The following NCAM2 variants were observed in gnomAD, a reference collection of about 807,000 sequenced individuals.
The protein encoded by NCAM2 is neural cell adhesion molecule 2, also known as N-CAM-2.
Under a neutral mutation model 98.1 loss-of-function variants are expected in NCAM2, and 30 were observed. That is an observed-to-expected ratio of 0.31 (90% CI 0.23 to 0.41). The LOEUF is 0.41. NCAM2 is among the 10% of genes least tolerant of loss of function. The pLI is 1.00. For synonymous variants in NCAM2, 368 were observed against 342.4 expected, an observed-to-expected ratio of 1.07 and a Z score of -0.83; for missense variants, 867 against 1,005.8, an observed-to-expected ratio of 0.86 and a Z score of 1.87.
chr21:21,477,611 A>C, intron 15 of NCAM2, 140 bp downstream of exon 15: 1 of 713,656 alleles, frequency 1.4e-6, no homozygotes. Context: ...GTGACATATC[A>C]TACACAAAGT....
intron 1 of NCAM2, among the ~76,000 whole-genome samples, chr21:21,227,346 A>T (rs765758412): frequency 1.3e-4 from 20 of 151,844 alleles, no homozygotes; most frequent in Non-Finnish European, 2.5e-4. Flanking sequence ...TAAAAACATA[A>T]AAGAAGATTA....
At chr21:21,432,021 A>G in intron 11 of NCAM2, 87 bp from the exon 12 acceptor site, 2 of 1,207,742 alleles carry the variant, frequency 1.7e-6, no homozygotes. Flanking sequence ...GTTTTCCTTC[A>G]CTCCTAGTTC....
intron 11 of NCAM2, among the ~76,000 whole-genome samples, chr21:21,430,194 G>GT (rs911585221): frequency 7.3e-5 from 11 of 150,966 alleles, no homozygotes; most frequent in Non-Finnish European, 1.6e-4. Flanking sequence ...ACACCCGGCT[G>GT]TTTTTTTTAT....
chr21:21,316,526 T>C (rs2074225343), intron 5 of NCAM2, among the ~76,000 whole-genome samples: 1 of 134,358 alleles, frequency 7.4e-6, no homozygotes, highest in Non-Finnish European at 1.5e-5. Context: ...CAATTTTATC[T>C]TTTATTCTTT....
chr21:21,530,241 AAATT>A lies in NCAM2; in HGVS notation c.2283-4290_2283-4287del, dbSNP rs1296929526. Among the ~76,000 whole-genome samples the A allele has an allele frequency of 2.6e-5, 2 of 77,908 alleles. 1 individual carries two copies. The highest frequency in any genetic ancestry group is 6.4e-5 in the Non-Finnish European group (2 of 31,358). 51.1% of individuals were successfully genotyped at this position (77,908 alleles called of 152,430 possible). A position where few individuals can be genotyped will look rare whatever the true frequency, so the allele number is the denominator to read the frequency against. On this transcript the variant is annotated intron_variant, in intron 16 of 17. Coordinates refer to ENST00000400546, the MANE Select transcript of NCAM2 (RefSeq NM_004540.5). ...TAATTTAATTATATATATTTAATTT[AAATT>A]AATTATATATAATTTAATTTAATTA...
chr21:21,061,310 C>T (rs1327269117), intron 1 of NCAM2, among the ~76,000 whole-genome samples: 1 of 152,148 alleles, frequency 6.6e-6, no homozygotes, highest in East Asian at 1.9e-4. Context: ...TTAATTACAA[C>T]GTGGCTGCTA....
chr21:21,139,443 G>A (rs1040429173), intron 1 of NCAM2, among the ~76,000 whole-genome samples: 1 of 152,274 alleles, frequency 6.6e-6, no homozygotes, highest in African/African-American at 2.4e-5. Flanking sequence ...CTAGTTCTTG[G>A]CATCTGTTTC....
chr21:21,274,452 T>C (rs1482065587), intron 1 of NCAM2, among the ~76,000 whole-genome samples: 1 of 152,186 alleles, frequency 6.6e-6, no homozygotes, highest in African/African-American at 2.4e-5. Flanking sequence ...CTGAAATTGT[T>C]TGAATATTGT....
At chr21:21,136,531 C>T (rs2067054933) in intron 1 of NCAM2, among the ~76,000 whole-genome samples, 1 of 151,614 alleles carries the variant, frequency 6.6e-6, no homozygotes, top group Non-Finnish European at 1.5e-5. Flanking sequence ...GTGCGATCTC[C>T]ACTCACTGCA....
At chr21:21,433,151 G>A (rs577170214) in intron 12 of NCAM2, among the ~76,000 whole-genome samples, 4 of 152,248 alleles carry the variant, frequency 2.6e-5, no homozygotes, top group South Asian at 2.1e-4. Context: ...AGTTTGCACT[G>A]AGCATAACTA....
intron 1 of NCAM2, among the ~76,000 whole-genome samples, chr21:21,169,504 G>A (rs1389397001): frequency 6.6e-6 from 1 of 151,916 alleles, no homozygotes. Context: ...GAGAAGTGAA[G>A]CCACAGACTG....
chr21:21,073,144 C>G (rs935150619), intron 1 of NCAM2, among the ~76,000 whole-genome samples: 2 of 152,078 alleles, frequency 1.3e-5, no homozygotes, highest in African/African-American at 4.8e-5. Flanking sequence ...CAGCATATGT[C>G]AAAATTTATT....
At chr21:21,330,772 T>C (rs1568941233) in intron 6 of NCAM2, among the ~76,000 whole-genome samples, 1 of 152,130 alleles carries the variant, frequency 6.6e-6, no homozygotes, top group East Asian at 1.9e-4. Flanking sequence ...ACTATGAAAA[T>C]TATTATTTAA....
At chr21:21,012,253 G>A (rs886337874) in intron 1 of NCAM2, among the ~76,000 whole-genome samples, 1 of 151,928 alleles carries the variant, frequency 6.6e-6, no homozygotes, top group African/African-American at 2.4e-5. Context: ...TGTAAGGTGG[G>A]GAAACTCGAT....
chr21:21,450,294 G>GTGTGTGTT (rs1199240260), intron 12 of NCAM2, among the ~76,000 whole-genome samples: 1 of 151,498 alleles, frequency 6.6e-6, no homozygotes, highest in Admixed American at 6.6e-5. Flanking sequence ...ATATGCGTGT[G>GTGTGTGTT]TGTGTGTTTG....
At chr21:21,277,072 C>T (rs534756591) in intron 1 of NCAM2, among the ~76,000 whole-genome samples, 4 of 152,072 alleles carry the variant, frequency 2.6e-5, no homozygotes, top group South Asian at 4.1e-4. Context: ...CTTAGAAAAG[C>T]AAATTTACTC....
chr21:21,410,385 G>T lies in NCAM2; in HGVS notation c.1307G>T (p.Arg436Ile). Residue 436 changes from arginine (R) to isoleucine (I), a missense_variant, in exon 10 of 18, where the codon AGA becomes ATA. By Grantham distance (97) the Arg-to-Ile change is moderately conservative (BLOSUM62 -3). This residue lies in a region of NCAM2 where 56 missense variants were observed against 39.6 expected (regional missense o/e 1.41). Transcript: ENST00000400546. ...CCACCAGCATCAATTCACTGGAGAA[G>T]AGATAAATTAGTCTTACCTGCTAAA... ...SNPPASIHWR[R>I]DKLVLPAKNT... 1 of 1,601,520 alleles carries T rather than the reference G, an allele frequency of 6.2e-7. No individual in the cohort carries two copies. The highest frequency in any genetic ancestry group is 8.5e-7 in the Non-Finnish European group (1 of 1,172,822).
intron 1 of NCAM2, among the ~76,000 whole-genome samples, chr21:21,244,492 T>A (rs1472611254): frequency 1.3e-5 from 2 of 152,188 alleles, no homozygotes; most frequent in Admixed American, 6.5e-5. Context: ...TTAAATAATT[T>A]TGTTTTTATT....
chr21:21,334,523 A>C (rs182235239), intron 6 of NCAM2, among the ~76,000 whole-genome samples: 3 of 152,230 alleles, frequency 2.0e-5, no homozygotes, highest in Non-Finnish European at 2.9e-5. Flanking sequence ...TTGTATGGAC[A>C]AGCAAATGTC....
Sources: allele counts gnomAD v4.1 joint callset (sites outside exome capture counted in the v4.1 genomes callset), GRCh38; gene constraint gnomAD v4.1.1; regional missense constraint gnomAD v4.1.1; transcripts MANE v1.5; gene names NCBI Gene and HGNC (gene_info 2026-07-23, HGNC 2026-07-21).